CUBN: variants seen among roughly 807,000 people sequenced by gnomAD.
CUBN encodes cubilin.
Under a neutral mutation model 405.3 loss-of-function variants are expected in CUBN, and 282 were observed. The observed-to-expected ratio is 0.70, with a 90% CI of 0.63 to 0.77. The LOEUF is 0.77. CUBN is among the 30% of genes least tolerant of loss of function. CUBN has a pLI of 0.00. For synonymous variants in CUBN, 1,684 were observed against 1,617.0 expected (o/e 1.04, Z -0.99); for missense variants, 4,514 against 4,475.2 (o/e 1.01, Z -0.25).
intron 17 of CUBN, among the ~76,000 whole-genome samples, chr10:17,080,066 T>C (rs1006122740): frequency 6.6e-6 from 1 of 152,198 alleles, no homozygotes; most frequent in Non-Finnish European, 1.5e-5. Context: ...TTTGGTTCTC[T>C]TCTTTTAAAT....
chr10:16,827,212 T>G (rs1398352226), intron 66 of CUBN, among the ~76,000 whole-genome samples: 4 of 152,198 alleles, frequency 2.6e-5, no homozygotes. Context: ...TTAAATAAAT[T>G]AGGCCACACT....
intron 19 of CUBN, among the ~76,000 whole-genome samples, chr10:17,070,278 C>A (rs1340204832): frequency 6.6e-6 from 1 of 152,102 alleles, no homozygotes; most frequent in Non-Finnish European, 1.5e-5. Flanking sequence ...TAGCTTTGTT[C>A]TAAGTTTTGA....
At chr10:16,970,808 T>G (rs1832905944) in intron 31 of CUBN, among the ~76,000 whole-genome samples, 1 of 152,276 alleles carries the variant, frequency 6.6e-6, no homozygotes, top group African/African-American at 2.4e-5. Context: ...CTTTTTTATT[T>G]TTTAATTAAT....
Position 16,983,695 on chromosome 10 carries a change from C to A in CUBN, c.4525+410G>T, listed in dbSNP as rs1219152748. ...GCAATTTATTTAGACTGCCTAAAAT[C>A]TTGGGCAGAAAGTCACCATAGAACA... On this transcript the variant is annotated intron_variant, in intron 30 of 66. Coordinates refer to ENST00000377833, the MANE Select transcript of CUBN (RefSeq NM_001081.4). Among the ~76,000 whole-genome samples the A allele has an allele frequency of 4.6e-5, 7 of 152,174 alleles. No individual in the cohort carries two copies. The South Asian group carries it at 1.4e-3, about 31-fold the overall frequency.
At chr10:16,876,048 G>A (rs1458536897) in intron 57 of CUBN, among the ~76,000 whole-genome samples, 2 of 152,166 alleles carry the variant, frequency 1.3e-5, no homozygotes, top group Non-Finnish European at 2.9e-5. Context: ...AAATTATGGA[G>A]GGCCTTTTCA....
intron 51 of CUBN, among the ~76,000 whole-genome samples, chr10:16,902,237 A>G (rs1332860888): frequency 7.4e-6 from 1 of 135,878 alleles, no homozygotes; most frequent in Non-Finnish European, 1.5e-5. Context: ...GTATATATAT[A>G]CTATATATAT....
intron 56 of CUBN, among the ~76,000 whole-genome samples, chr10:16,887,274 ATT>A (rs539671655): frequency 2.8e-3 from 424 of 152,334 alleles, no homozygotes; most frequent in African/African-American, 9.9e-3. Flanking sequence ...AACATGAAAC[ATT>A]TCAGACTTAT....
chr10:16,844,832 A>G (rs896730391), intron 60 of CUBN, among the ~76,000 whole-genome samples: 4 of 152,192 alleles, frequency 2.6e-5, no homozygotes, highest in Non-Finnish European at 4.4e-5. Context: ...CGCCCTATCC[A>G]ATGATGAGGA....
At chr10:17,019,710 T>A (rs984900187) in intron 28 of CUBN, 123 bp downstream of exon 28, 2 of 1,051,930 alleles carry the variant, frequency 1.9e-6, no homozygotes, top group African/African-American at 1.6e-5. Flanking sequence ...AACCCTTGCA[T>A]GAGATTACTA....
chr10:17,000,726 T>A (rs182101776), intron 28 of CUBN, among the ~76,000 whole-genome samples: 9 of 152,232 alleles, frequency 5.9e-5, no homozygotes, highest in Non-Finnish European at 1.0e-4. Context: ...CATCACACAC[T>A]GAGTTTTGTG....
chr10:17,104,620 A>T lies in CUBN; in HGVS notation c.1231-15T>A, dbSNP rs1836576574. On this transcript the variant is annotated splice_polypyrimidine_tract_variant and intron_variant, in intron 11 of 66. Coordinates refer to ENST00000377833, the MANE Select transcript of CUBN (RefSeq NM_001081.4). Reference sequence around the variant, plus strand: ...GAGACAGTGTCCTAAGGGGAAAAAAAACACATAATACCATAAAACAAATGG... The same window carrying T: ...GAGACAGTGTCCTAAGGGGAAAAAATACACATAATACCATAAAACAAATGG... The T allele has an allele frequency of 1.9e-6, 3 of 1,604,076 alleles. No homozygotes were observed. The highest frequency in any genetic ancestry group is 2.7e-5 in the African/African-American group (2 of 74,322).
intron 14 of CUBN, among the ~76,000 whole-genome samples, chr10:17,095,180 C>T (rs926988072): frequency 9.5e-4 from 144 of 151,966 alleles, no homozygotes; most frequent in African/African-American, 3.2e-3. Flanking sequence ...ATAAATGGTG[C>T]TAAGAAAACT....
At chr10:16,840,804 G>A (rs769805085) in intron 61 of CUBN, 81 bp downstream of exon 61, 9 of 1,260,628 alleles carry the variant, frequency 7.1e-6, no homozygotes, top group South Asian at 2.4e-5. Flanking sequence ...TTGAAATTTC[G>A]ATATAATAAG....
At chr10:17,029,918 C>A (rs1480523648) in intron 27 of CUBN, among the ~76,000 whole-genome samples, 2 of 152,230 alleles carry the variant, frequency 1.3e-5, no homozygotes, top group African/African-American at 2.4e-5. Flanking sequence ...TTAATTACAA[C>A]TGGGAAGGCT....
At chr10:16,958,442 C>T (rs1226015183) in intron 31 of CUBN, among the ~76,000 whole-genome samples, 1 of 152,150 alleles carries the variant, frequency 6.6e-6, no homozygotes, top group East Asian at 1.9e-4. Context: ...ATGAGATTTG[C>T]TTCAACCCAG....
chr10:17,123,383 C>G, intron 5 of CUBN: 1 of 614,808 alleles, frequency 1.6e-6, no homozygotes, highest in South Asian at 2.0e-5. Context: ...GTGAACCTCT[C>G]CTTTCAATGG....
At position 17,127,882 on chromosome 10, in the gene CUBN, C is replaced by T. The variant is rs143919998; in HGVS notation, c.295G>A (p.Ala99Thr). 44 of 1,612,822 alleles carry T rather than the reference C, an allele frequency of 2.7e-5. No individual in the cohort carries two copies. Among genetic ancestry groups the T allele is most frequent in the East Asian group, 4.5e-5 (2 of 44,864 alleles). The change falls in exon 3 of 67, where the codon GCA becomes ACA. Residue 99 changes from alanine to threonine, a missense_variant. Ala to Thr is a moderately conservative substitution (Grantham distance 58). This residue lies in a region of CUBN where 1,448 missense variants were observed against 1,388.0 expected (regional missense o/e 1.04). Transcript: ENST00000377833. ...GATATATTTTGAGGCAGACCAATTG[C>T]ACTCCCTTTTAACTCTATAATATCT... ...KEDIIELKGS[A>T]IGLPQNISSQ...
At chr10:16,905,117 C>G (rs938907482) in intron 50 of CUBN, among the ~76,000 whole-genome samples, 1 of 152,168 alleles carries the variant, frequency 6.6e-6, no homozygotes, top group Non-Finnish European at 1.5e-5. Flanking sequence ...CTTTCAGCCT[C>G]CTTTTCTTTA....
intron 64 of CUBN, among the ~76,000 whole-genome samples, chr10:16,831,840 G>GT (rs1423358630): frequency 3.5e-5 from 5 of 141,446 alleles, no homozygotes; most frequent in Non-Finnish European, 7.8e-5. Flanking sequence ...CATTGTGTGT[G>GT]TGTTTGTGTA....
Sources: allele counts gnomAD v4.1 joint callset (sites outside exome capture counted in the v4.1 genomes callset), GRCh38; gene constraint gnomAD v4.1.1; regional missense constraint gnomAD v4.1.1; transcripts MANE v1.5; gene names NCBI Gene and HGNC (gene_info 2026-07-23, HGNC 2026-07-21).